Variants in THEMIS2 observed in about 807,000 individuals in gnomAD.
THEMIS2 encodes the protein protein THEMIS2.
THEMIS2 carries 29 observed loss-of-function variants against 46.8 expected under a neutral mutation model. That is an observed-to-expected ratio of 0.62 (90% confidence interval 0.46 to 0.84). The LOEUF is 0.84. Ranked by LOEUF, THEMIS2 falls within the 40% of genes least tolerant of loss-of-function variation. The pLI, the probability that THEMIS2 is intolerant of heterozygous loss-of-function variation, is 0.00. For missense variants in THEMIS2, 698 were observed against 834.7 expected, an observed-to-expected ratio of 0.84 and a Z score of 2.02; for synonymous variants, 335 against 349.1, an observed-to-expected ratio of 0.96 and a Z score of 0.45.
chr1:27,885,911 A>C lies in THEMIS2; in HGVS notation c.1921A>C (p.Lys641Gln). The change falls in exon 6 of 6, where the codon AAA becomes CAA. Residue 641 changes from lysine (K) to glutamine (Q), a missense_variant. Transcript: ENST00000373921. ...TGAAGAAATACTTGAGCAATTTCAG[A>C]AAACCATCTAAGTGCTGGAGGAACC... ...DYEEILEQFQ[K>Q]TI 3 of 1,614,052 alleles carry C rather than the reference A, an allele frequency of 1.9e-6. No homozygotes were observed. Among genetic ancestry groups the C allele is most frequent in the Non-Finnish European group, 2.5e-6 (3 of 1,179,980 alleles).
At chr1:27,875,168 G>A (rs368664463) in intron 1 of THEMIS2, among the ~76,000 whole-genome samples, 230 of 152,058 alleles carry the variant, frequency 1.5e-3, no homozygotes, top group African/African-American at 5.2e-3. Context: ...TAGTAGAGAC[G>A]GGGTTTCACC....
Position 27,882,060 on chromosome 1 carries a change from C to T in THEMIS2, c.736C>T (p.Pro246Ser), listed in dbSNP as rs1310988548. The T allele has an allele frequency of 1.2e-6, 2 of 1,614,122 alleles. No individual in the cohort carries two copies. Among genetic ancestry groups the T allele is most frequent in the East Asian group, 4.5e-5 (2 of 44,884 alleles). Residue 246 changes from proline to serine, a missense_variant, in exon 4 of 6, where the codon CCG becomes TCG. Transcript: ENST00000373921. The surrounding 1 kb of genome is among the most constrained non-coding windows in gnomAD (Gnocchi z 7.6). ...ASSRHVHFIK[P>S]LLLSEVLAWE... Reference sequence around the variant, plus strand: ...CTCCCGGCACGTCCACTTTATCAAACCGCTGCTGCTGAGCGAGGTCCTGGC... The same window carrying T: ...CTCCCGGCACGTCCACTTTATCAAATCGCTGCTGCTGAGCGAGGTCCTGGC...
At position 27,879,849 on chromosome 1, in the gene THEMIS2, C is replaced by A. The variant is rs1334802439; in HGVS notation, c.441C>A (p.Val147=). Reference sequence around the variant, plus strand: ...TCGGGATCCGCTCTGCCCGCTGTGTCCTGGGCATGGAGGGTCAGCAGGTCA... The same window carrying A: ...TCGGGATCCGCTCTGCCCGCTGTGTACTGGGCATGGAGGGTCAGCAGGTCA... The part of the protein sequence containing the change: ...MHLGIRSARC[V]LGMEGQQVIL... The change falls in exon 3 of 6, where the codon GTC becomes GTA. Residue 147 remains valine (V), a synonymous_variant. Transcript: ENST00000373921. The A allele has an allele frequency of 6.2e-7, 1 of 1,613,248 alleles. No homozygotes were observed. The highest frequency in any genetic ancestry group is 1.7e-5 in the Admixed American group (1 of 59,978).
intron 5 of THEMIS2, 26 bp downstream of exon 5, chr1:27,885,477 C>G: frequency 6.2e-7 from 1 of 1,607,522 alleles, no homozygotes; most frequent in Non-Finnish European, 8.5e-7. Context: ...CGCTGCTCAC[C>G]CTTGTCCTTG....
At position 27,886,036 on chromosome 1, in the gene THEMIS2, C is replaced by G; in HGVS notation, c.*114C>G. 1 of 936,940 alleles carries G rather than the reference C, an allele frequency of 1.1e-6. No homozygotes were observed. Among genetic ancestry groups the G allele is most frequent in the Non-Finnish European group, 1.7e-6 (1 of 589,456 alleles). The allele number at this position is 936,940 out of a possible 1,614,324, so 58.0% of individuals were successfully genotyped here. A position where few individuals can be genotyped will look rare whatever the true frequency, so the allele number is the denominator to read the frequency against. On this transcript the variant is annotated 3_prime_UTR_variant, in exon 6 of 6. Transcript: ENST00000373921. ...AGTCTCACAGAAACTGAGCTGCAGA[C>G]GGGGAGTAGCTTTGTGGAAACTGAT... is the stretch of plus-strand genomic sequence containing the variant.
chr1:27,875,380 G>T (rs138421383), intron 1 of THEMIS2, among the ~76,000 whole-genome samples: 1 of 152,366 alleles, frequency 6.6e-6, no homozygotes, highest in African/African-American at 2.4e-5. Flanking sequence ...ACAGTGCCGG[G>T]TATCTGTAGT....
rs2089511851 is a variant in THEMIS2, at chr1:27,872,856, A to G, written c.94+191A>G. Among the ~76,000 whole-genome samples, 1 of 152,092 alleles carries G rather than the reference A, an allele frequency of 6.6e-6. No homozygotes were observed. Among genetic ancestry groups the G allele is most frequent in the Non-Finnish European group, 1.5e-5 (1 of 68,004 alleles). The stretch of plus-strand genomic sequence containing the variant: ...CGGCTTTTGCTTTCGTGGAACGGGG[A>G]CCGCTGACCTGCCCCGCAGGGTAGT... On this transcript the variant is annotated intron_variant, in intron 1 of 5. Transcript: ENST00000373921. The surrounding 1 kb of genome is among the most constrained non-coding windows in gnomAD (Gnocchi z 4.9).
At chr1:27,876,564 G>T in intron 1 of THEMIS2, 24 bp from the exon 2 acceptor site, 1 of 1,610,288 alleles carries the variant, frequency 6.2e-7, no homozygotes, top group Non-Finnish European at 8.5e-7. Context: ...GTCCAATGGG[G>T]AAATGGAGTC....
chr1:27,885,511 C>T, intron 5 of THEMIS2, 60 bp downstream of exon 5: 2 of 1,572,924 alleles, frequency 1.3e-6, no homozygotes, highest in Non-Finnish European at 1.7e-6. Flanking sequence ...TACCTTGCTG[C>T]TTCCTTTGCC....
At chr1:27,885,728 A>C (rs2089758873) in intron 5 of THEMIS2, 139 bp from the exon 6 acceptor site, 1 of 857,164 alleles carries the variant, frequency 1.2e-6, no homozygotes, top group Admixed American at 2.4e-5. Flanking sequence ...GAGACAGAAC[A>C]AATCGTGGTT....
In THEMIS2 at chr1:27,881,975, C is replaced by G; in HGVS notation, c.651C>G (p.Arg217=). The G allele has an allele frequency of 6.2e-7, 1 of 1,610,342 alleles. No homozygotes were observed. The highest frequency in any genetic ancestry group is 1.7e-4 in the Middle Eastern group (1 of 6,034). ...QYEIQAIMHM[R]RTIVKIPSTL... is the part of the protein sequence containing the mutation. The stretch of plus-strand genomic sequence containing the variant: ...CTGAGCTGCCCCTCTCCACAGTGCG[C>G]AGGACCATTGTCAAGATCCCTTCTA... The change falls in exon 4 of 6, where the codon CGC becomes CGG. Residue 217 remains arginine (R), a synonymous_variant. Coordinates refer to ENST00000373921, the MANE Select transcript of THEMIS2 (RefSeq NM_001105556.3).
In THEMIS2 at chr1:27,876,639, T is replaced by A. The variant is rs767004976; in HGVS notation, c.146T>A (p.Leu49Gln). The stretch of plus-strand genomic sequence containing the variant: ...GAGTGCTGCCTCTCCACGGGGGACC[T>A]GATCAAGGTCACCCAGGTCCGCCTC... ...GNECCLSTGD[L>Q]IKVTQVRLQK... is the part of the protein sequence containing the mutation. Residue 49 changes from leucine to glutamine, a missense_variant, in exon 2 of 6, where the codon CTG becomes CAG. Coordinates refer to ENST00000373921, the MANE Select transcript of THEMIS2 (RefSeq NM_001105556.3). 5 of 1,613,896 alleles carry A rather than the reference T, an allele frequency of 3.1e-6. No individual in the cohort carries two copies. Among genetic ancestry groups the A allele is most frequent in the Non-Finnish European group, 4.2e-6 (5 of 1,179,972 alleles).
In THEMIS2 at chr1:27,872,802, T is replaced by A. The variant is rs180714347; in HGVS notation, c.94+137T>A. Reference sequence around the variant, plus strand: ...ACTGCCACTGGCCAAGCTGTGTGATTTGGGGCCGCACTCAACCTCTTTGGA... The same window carrying A: ...ACTGCCACTGGCCAAGCTGTGTGATATGGGGCCGCACTCAACCTCTTTGGA... On this transcript the variant is annotated intron_variant, in intron 1 of 5. Transcript: ENST00000373921. This position sits in a 1 kb window ranked among gnomAD's most constrained non-coding sequence, Gnocchi z 4.9. The A allele has an allele frequency of 1.6e-4, 110 of 709,232 alleles. No individual in the cohort carries two copies. The highest frequency in any genetic ancestry group is 2.1e-4 in the Non-Finnish European group (103 of 501,656). 43.9% of individuals were successfully genotyped at this position (709,232 alleles called of 1,614,324 possible).
In THEMIS2 at chr1:27,882,071, G is replaced by C. The variant is rs2089689040; in HGVS notation, c.747G>C (p.Leu249=). 2 of 1,614,220 alleles carry C rather than the reference G, an allele frequency of 1.2e-6. No individual in the cohort carries two copies. The highest frequency in any genetic ancestry group is 1.7e-6 in the Non-Finnish European group (2 of 1,180,042). ...RHVHFIKPLL[L]SEVLAWEGPF... ...TCCACTTTATCAAACCGCTGCTGCTGAGCGAGGTCCTGGCCTGGGAAGGCC... is the reference window on the plus strand; with the variant it reads ...TCCACTTTATCAAACCGCTGCTGCTCAGCGAGGTCCTGGCCTGGGAAGGCC... The change falls in exon 4 of 6, where the codon CTG becomes CTC. Residue 249 remains leucine, a synonymous_variant. Coordinates refer to ENST00000373921, the MANE Select transcript of THEMIS2 (RefSeq NM_001105556.3). The surrounding 1 kb of genome is among the most constrained non-coding windows in gnomAD (Gnocchi z 7.6).
Position 27,879,731 on chromosome 1 carries a change from C to T in THEMIS2, c.323C>T (p.Pro108Leu), listed in dbSNP as rs763173212. The change falls in exon 3 of 6, where the codon CCC becomes CTC. Residue 108 changes from proline (P) to leucine (L), a missense_variant. Physicochemically the swap from Pro to Leu is moderately conservative, Grantham distance 98. Transcript: ENST00000373921. The part of the protein sequence containing the change: ...SATTQSSKQL[P>L]TCFMSTHRIV... The stretch of plus-strand genomic sequence containing the variant: ...ACAACTCAGAGCTCCAAGCAGCTGC[C>T]CACTTGCTTCATGTCGACCCACAGG... 1.9e-6 allele frequency: 3 copies of T among 1,614,066 alleles called. No homozygotes were observed. The highest frequency in any genetic ancestry group is 2.5e-6 in the Non-Finnish European group (3 of 1,179,992).
rs1278884200 is a variant in THEMIS2 at position 27,872,759 on chromosome 1, CT to C, written c.94+95del. The C allele has an allele frequency of 9.4e-7, 1 of 1,068,844 alleles. No homozygotes were observed. The highest frequency in any genetic ancestry group is 1.6e-5 in the African/African-American group (1 of 60,880). The allele number at this position is 1,068,844 out of a possible 1,614,324, so 66.2% of individuals were successfully genotyped here. A position where few individuals can be genotyped will look rare whatever the true frequency, so the allele number is the denominator to read the frequency against. Reference sequence around the variant, plus strand: ...CGTTAGCAATCCGGGGAAACTGCCCCTGGGTTCAAATCCCGACACTGCCACT... The same window carrying C: ...CGTTAGCAATCCGGGGAAACTGCCCCGGGTTCAAATCCCGACACTGCCACT... On this transcript the variant is annotated intron_variant, in intron 1 of 5. Coordinates refer to ENST00000373921, the MANE Select transcript of THEMIS2 (RefSeq NM_001105556.3). This position sits in a 1 kb window ranked among gnomAD's most constrained non-coding sequence, Gnocchi z 4.9.
intron 1 of THEMIS2, among the ~76,000 whole-genome samples, chr1:27,873,346 G>T (rs1295092864): frequency 2.6e-5 from 4 of 152,150 alleles, no homozygotes; most frequent in African/African-American, 7.2e-5. Flanking sequence ...ACAGTGGAGG[G>T]CAGGGTAAGA....
intron 2 of THEMIS2, among the ~76,000 whole-genome samples, chr1:27,877,634 A>T (rs529479469): frequency 6.6e-6 from 1 of 152,078 alleles, no homozygotes; most frequent in East Asian, 2.0e-4. Flanking sequence ...GCCAGAGCTC[A>T]ATTATTTTAA....
chr1:27,880,613 A>G (rs2148638957), intron 3 of THEMIS2, among the ~76,000 whole-genome samples: 1 of 152,010 alleles, frequency 6.6e-6, no homozygotes, highest in East Asian at 1.9e-4. Flanking sequence ...ACATAGCAAG[A>G]CCCCCATCTC....
Sources: allele counts gnomAD v4.1 joint callset (sites outside exome capture counted in the v4.1 genomes callset), GRCh38; gene constraint gnomAD v4.1.1; non-coding constraint Gnocchi (gnomAD v3.1); transcripts MANE v1.5; gene names NCBI Gene and HGNC (gene_info 2026-07-23, HGNC 2026-07-21).